IMPG1: variants seen among roughly 807,000 people sequenced by gnomAD.
The protein encoded by IMPG1 is interphotoreceptor matrix proteoglycan of 150 kDa.
A neutral mutation model predicts 92.0 loss-of-function variants in IMPG1; 85 were observed. The observed-to-expected ratio is 0.92, with a 90% CI of 0.78 to 1.11. The LOEUF (loss-of-function observed/expected upper bound fraction) is 1.11, where lower values mean the gene tolerates loss of function less well. IMPG1 is among the 50% of genes least tolerant of loss of function. The pLI, the probability that IMPG1 is intolerant of heterozygous loss-of-function variation, is 0.00. For missense variants in IMPG1, 1,022 were observed against 956.0 expected, an observed-to-expected ratio of 1.07 and a Z score of -0.91; for synonymous variants, 367 against 334.1, an observed-to-expected ratio of 1.10 and a Z score of -1.08.
At chr6:76,037,349 G>A (rs1783758917) in intron 2 of IMPG1, among the ~76,000 whole-genome samples, 4 of 152,184 alleles carry the variant, frequency 2.6e-5, no homozygotes, top group Admixed American at 2.6e-4. Flanking sequence ...CACAAAGACA[G>A]GAGAGGGTGC....
At chr6:75,923,975 C>G (rs1271327388) in intron 15 of IMPG1, among the ~76,000 whole-genome samples, 2 of 152,086 alleles carry the variant, frequency 1.3e-5, no homozygotes, top group Non-Finnish European at 2.9e-5. Flanking sequence ...AAGTCAAGTT[C>G]TGAGTTGTGG....
At chr6:76,019,689 A>G (rs151017990) in intron 6 of IMPG1, among the ~76,000 whole-genome samples, 11 of 152,358 alleles carry the variant, frequency 7.2e-5, no homozygotes, top group Admixed American at 3.3e-4. Context: ...TTCATTCAAA[A>G]AAACACACAT....
At chr6:76,042,660 G>A (rs1783866163) in intron 1 of IMPG1, among the ~76,000 whole-genome samples, 1 of 152,088 alleles carries the variant, frequency 6.6e-6, no homozygotes, top group Non-Finnish European at 1.5e-5. Context: ...ATTGGAGCAA[G>A]GATGTATCTT....
chr6:75,979,466 G>A (rs768567336), intron 12 of IMPG1, among the ~76,000 whole-genome samples: 10 of 152,256 alleles, frequency 6.6e-5, no homozygotes, highest in Non-Finnish European at 1.2e-4. Context: ...GGGGCATGTG[G>A]ATTTCCTAAC....
At chr6:75,931,932 G>T (rs4708200) in intron 14 of IMPG1, among the ~76,000 whole-genome samples, 2 of 152,212 alleles carry the variant, frequency 1.3e-5, no homozygotes, top group Non-Finnish European at 2.9e-5. Context: ...AGCACATTGA[G>T]CTCTCAGTAG....
chr6:75,931,822 C>A (rs966501402), intron 14 of IMPG1, among the ~76,000 whole-genome samples: 8 of 152,132 alleles, frequency 5.3e-5, no homozygotes, highest in Non-Finnish European at 8.8e-5. Flanking sequence ...GGGTTGTCTC[C>A]AATTCTTTGG....
intron 1 of IMPG1, among the ~76,000 whole-genome samples, chr6:76,050,103 A>G (rs934820889): frequency 3.9e-5 from 6 of 152,162 alleles, no homozygotes; most frequent in African/African-American, 1.4e-4. Context: ...TGTGAGTGGC[A>G]GTTCTGAAAT....
intron 12 of IMPG1, among the ~76,000 whole-genome samples, chr6:75,992,178 A>G (rs1024492837): frequency 6.6e-6 from 1 of 152,308 alleles, no homozygotes; most frequent in Non-Finnish European, 1.5e-5. Context: ...TGCAACAAGA[A>G]CTGCATCAAA....
At chr6:76,023,187 G>A (rs911351654) in intron 5 of IMPG1, among the ~76,000 whole-genome samples, 8 of 152,096 alleles carry the variant, frequency 5.3e-5, no homozygotes, top group Non-Finnish European at 5.9e-5. Flanking sequence ...ATACCCTGTG[G>A]CATATCAGAA....
chr6:75,969,423 T>C (rs895056842), intron 12 of IMPG1, among the ~76,000 whole-genome samples: 15 of 152,148 alleles, frequency 9.9e-5, no homozygotes, highest in Admixed American at 3.3e-4. Context: ...ATGTGATATA[T>C]ATAATTTTTA....
At chr6:75,993,207 A>G (rs1782842411) in intron 12 of IMPG1, among the ~76,000 whole-genome samples, 1 of 152,118 alleles carries the variant, frequency 6.6e-6, no homozygotes, top group Non-Finnish European at 1.5e-5. Context: ...ATTTCAATTT[A>G]CCCCCAAATT....
At chr6:76,012,716 G>A (rs866905849) in intron 7 of IMPG1, among the ~76,000 whole-genome samples, 8 of 152,244 alleles carry the variant, frequency 5.3e-5, no homozygotes, top group Middle Eastern at 3.4e-3. Context: ...CCTTGTCCCC[G>A]GGGGATATCA....
At chr6:75,984,890 A>G (rs1582086002) in intron 12 of IMPG1, among the ~76,000 whole-genome samples, 1 of 151,962 alleles carries the variant, frequency 6.6e-6, no homozygotes, top group Non-Finnish European at 1.5e-5. Flanking sequence ...GCTTGCTCCC[A>G]CCTCATCTTC....
intron 12 of IMPG1, among the ~76,000 whole-genome samples, chr6:75,977,235 T>C (rs761549876): frequency 6.6e-6 from 1 of 152,228 alleles, no homozygotes; most frequent in Admixed American, 6.5e-5. Flanking sequence ...ATTGCTTTAA[T>C]TAATCTTTTC....
intron 12 of IMPG1, among the ~76,000 whole-genome samples, chr6:75,965,866 C>CA (rs1782300856): frequency 6.6e-6 from 1 of 152,120 alleles, no homozygotes; most frequent in African/African-American, 2.4e-5. Flanking sequence ...CTTGGCCTCC[C>CA]AAAGTGCTAG....
At chr6:76,055,896 A>AC (rs1784113243) in intron 1 of IMPG1, among the ~76,000 whole-genome samples, 1 of 152,128 alleles carries the variant, frequency 6.6e-6, no homozygotes. Context: ...TATTATCATA[A>AC]CCTTAAAAAA....
intron 12 of IMPG1, among the ~76,000 whole-genome samples, chr6:75,986,715 T>A (rs1408193731): frequency 7.9e-5 from 12 of 151,722 alleles, no homozygotes; most frequent in Admixed American, 7.9e-4. Context: ...CCAGCCTGCA[T>A]AGGAGAAAGC....
chr6:76,025,722 G>T (rs1374874381), intron 4 of IMPG1, among the ~76,000 whole-genome samples: 10 of 152,202 alleles, frequency 6.6e-5, no homozygotes, highest in Non-Finnish European at 4.4e-5. Flanking sequence ...TAATGGGAAA[G>T]AGATAGATTT....
rs554432092 is a variant in IMPG1, at chr6:75,934,089, C to A, written c.2045-2938G>T. ...GGGATGAGGGAAAAAGAGTGAGAGC[C>A]CCCCCACCCCACCACATCTTCATTG... On this transcript the variant is annotated intron_variant, in intron 14 of 16. Transcript: ENST00000369950. Among the ~76,000 whole-genome samples, 24 of 152,184 alleles carry A rather than the reference C, an allele frequency of 1.6e-4. 1 individual carries two copies. In the South Asian group the frequency reaches 5.0e-3, roughly 32 times the overall value.
Sources: allele counts gnomAD v4.1 joint callset (sites outside exome capture counted in the v4.1 genomes callset), GRCh38; gene constraint gnomAD v4.1.1; transcripts MANE v1.5; gene names NCBI Gene and HGNC (gene_info 2026-07-23, HGNC 2026-07-21).